The following SLC22A23 variants were observed in gnomAD, a reference collection of about 807,000 sequenced individuals.
The protein encoded by SLC22A23 is solute carrier family 22 member 23, also known as ion transporter protein.
Under a neutral mutation model 61.0 loss-of-function variants are expected in SLC22A23, and 26 were observed. The observed-to-expected ratio is 0.43, with a 90% CI of 0.31 to 0.59. The LOEUF (loss-of-function observed/expected upper bound fraction) is 0.59. SLC22A23 is among the 20% of genes least tolerant of loss of function. The probability of loss-of-function intolerance (pLI) is 0.11; values close to 1 mark genes in which losing one functional copy is unlikely to be tolerated. For missense variants in SLC22A23, 796 were observed against 934.7 expected, an observed-to-expected ratio of 0.85 and a Z score of 1.94; for synonymous variants, 430 against 413.9, an observed-to-expected ratio of 1.04 and a Z score of -0.47.
intron 9 of SLC22A23, among the ~76,000 whole-genome samples, chr6:3,277,177 A>G (rs1489481455): frequency 6.6e-6 from 1 of 152,126 alleles, no homozygotes; most frequent in African/African-American, 2.4e-5. Context: ...GGAGAGGTTC[A>G]AGAACTGGGA....
chr6:3,325,880 A>C (rs955188764), intron 3 of SLC22A23, among the ~76,000 whole-genome samples: 4 of 152,258 alleles, frequency 2.6e-5, no homozygotes, highest in Non-Finnish European at 5.9e-5. Flanking sequence ...CAAAGAGATA[A>C]TGTGGAAACA....
intron 4 of SLC22A23, among the ~76,000 whole-genome samples, chr6:3,306,511 C>T (rs1459064963): frequency 2.0e-5 from 3 of 152,302 alleles, no homozygotes; most frequent in Non-Finnish European, 2.9e-5. Flanking sequence ...AGGCAAAGAA[C>T]GTTCAAATAC....
At chr6:3,429,233 G>A (rs559153854) in intron 1 of SLC22A23, among the ~76,000 whole-genome samples, 1 of 152,324 alleles carries the variant, frequency 6.6e-6, no homozygotes, top group South Asian at 2.1e-4. Flanking sequence ...ATGTTCACAA[G>A]AACCAGAGGA....
At chr6:3,288,186 G>A (rs917321695) in intron 6 of SLC22A23, among the ~76,000 whole-genome samples, 7 of 152,182 alleles carry the variant, frequency 4.6e-5, no homozygotes, top group Non-Finnish European at 8.8e-5. Flanking sequence ...CCTTTGGGGT[G>A]TACCTGTGAT....
At chr6:3,392,480 C>A (rs1265608826) in intron 3 of SLC22A23, among the ~76,000 whole-genome samples, 1 of 152,176 alleles carries the variant, frequency 6.6e-6, no homozygotes, top group Non-Finnish European at 1.5e-5. Context: ...ATGAATATCA[C>A]CCTAGTTGTA....
intron 1 of SLC22A23, among the ~76,000 whole-genome samples, chr6:3,431,204 G>C (rs1387435545): frequency 2.0e-5 from 3 of 152,218 alleles, no homozygotes; most frequent in Admixed American, 1.3e-4. Flanking sequence ...GATGGGCGTG[G>C]GGGCAGGTCC....
In SLC22A23 at chr6:3,439,192, C is replaced by T. The variant is rs1019959907; in HGVS notation, c.654+16714G>A. ...GTTTAGCAGTACCCCTGCCTCTACC[C>T]ACCAGGCGCCAGTAGCACCCTCCCC... On this transcript the variant is annotated intron_variant, in intron 1 of 9. Transcript: ENST00000406686. 23 of 359,200 alleles carry T rather than the reference C, an allele frequency of 6.4e-5. 1 individual carries two copies. The highest frequency in any genetic ancestry group is 1.3e-4 in the Non-Finnish European group (23 of 183,058). 22.3% of individuals were successfully genotyped at this position (359,200 alleles called of 1,614,324 possible).
chr6:3,289,970 GGA>G (rs778248728), intron 5 of SLC22A23, 104 bp from the exon 6 acceptor site: 9 of 775,346 alleles, frequency 1.2e-5, no homozygotes, highest in African/African-American at 1.8e-5. Flanking sequence ...ACCACAGAAG[GGA>G]GAGAGAAGCT....
intron 1 of SLC22A23, among the ~76,000 whole-genome samples, chr6:3,429,307 A>G (rs903907491): frequency 6.6e-6 from 1 of 152,248 alleles, no homozygotes; most frequent in Admixed American, 6.5e-5. Context: ...TCAAGAGTTT[A>G]TAACTGCTAA....
At position 3,446,062 on chromosome 6, in the gene SLC22A23, G is replaced by A. The variant is rs546865579; in HGVS notation, c.654+9844C>T. Among the ~76,000 whole-genome samples the A allele has an allele frequency of 2.0e-5, 3 of 152,292 alleles. No homozygotes were observed. The South Asian group carries it at 6.2e-4, about 32-fold the overall frequency. On this transcript the variant is annotated intron_variant, in intron 1 of 9. Coordinates refer to ENST00000406686, the MANE Select transcript of SLC22A23 (RefSeq NM_015482.2). ...AAATCTGCCCAGAGAGGTGTTCTGCGGAAGTCCACCCATGCAAAGCCACAG... is the reference window on the plus strand; with the variant it reads ...AAATCTGCCCAGAGAGGTGTTCTGCAGAAGTCCACCCATGCAAAGCCACAG...
At position 3,295,710 on chromosome 6, in the gene SLC22A23, A is replaced by G. The variant is rs577468014; in HGVS notation, c.1210+2381T>C. 2.0e-5 allele frequency among the ~76,000 whole-genome samples: 3 copies of G among 152,276 alleles called. No homozygotes were observed. The East Asian group carries it at 5.8e-4, about 29-fold the overall frequency. On this transcript the variant is annotated intron_variant, in intron 5 of 9. Coordinates refer to ENST00000406686, the MANE Select transcript of SLC22A23 (RefSeq NM_015482.2). ...CTGGAAGTGGGAGATGTAGCAACTG[A>G]AAGACACGCTGCCTTCCCCCACACT...
In SLC22A23 at chr6:3,427,324, G is replaced by C. The variant is rs1770567092; in HGVS notation, c.655-11469C>G. 6.6e-6 allele frequency among the ~76,000 whole-genome samples: 1 copy of C among 152,144 alleles called. No homozygotes were observed. The highest frequency in any genetic ancestry group is 6.5e-5 in the Admixed American group (1 of 15,270). ...GGTCCTCGGGGGCTTATGTCTGTTG[G>C]TAAGTAACATTTTGGATCTGAGAGT... On this transcript the variant is annotated intron_variant, in intron 1 of 9. Transcript: ENST00000406686. This position sits in a 1 kb window ranked among gnomAD's most constrained non-coding sequence, Gnocchi z 4.3.
chr6:3,282,073 C>T lies in SLC22A23; in HGVS notation c.1703+1779G>A, dbSNP rs543090170. On this transcript the variant is annotated intron_variant, in intron 9 of 9. Transcript: ENST00000406686. ...CCAACTGCCAGAGTTAAGGGGTACC[C>T]GCTAGCCACCCCCTCCCCCAACAAA... 1.6e-4 allele frequency among the ~76,000 whole-genome samples: 25 copies of T among 152,276 alleles called. No individual in the cohort carries two copies. The South Asian group carries it at 4.8e-3, about 29-fold the overall frequency.
chr6:3,439,576 A>C (rs1257285934), intron 1 of SLC22A23, among the ~76,000 whole-genome samples: 3 of 152,216 alleles, frequency 2.0e-5, no homozygotes, highest in Admixed American at 2.0e-4. Context: ...AATCTTCAAT[A>C]GCTCACTGAA....
rs116588394 is a variant in SLC22A23, at chr6:3,443,099, C to T, written c.654+12807G>A. Among the ~76,000 whole-genome samples the T allele has an allele frequency of 3.2e-3, 491 of 152,180 alleles. 4 individuals carry two copies. The highest frequency in any genetic ancestry group is 0.011 in the African/African-American group (477 of 41,502). On this transcript the variant is annotated intron_variant, in intron 1 of 9. Coordinates refer to ENST00000406686, the MANE Select transcript of SLC22A23 (RefSeq NM_015482.2). Reference sequence around the variant, plus strand: ...CTCAAAAAGTGTGTTTTGCTTTTTACCAAAAGAAATCTAGAAAAAGACATG... The same window carrying T: ...CTCAAAAAGTGTGTTTTGCTTTTTATCAAAAGAAATCTAGAAAAAGACATG...
intron 3 of SLC22A23, among the ~76,000 whole-genome samples, chr6:3,397,157 C>G (rs1012473082): frequency 6.6e-6 from 1 of 152,198 alleles, no homozygotes; most frequent in African/African-American, 2.4e-5. Flanking sequence ...CATCCCACAC[C>G]CTGCAAGGGG....
At chr6:3,321,144 C>G (rs138550103) in intron 4 of SLC22A23, among the ~76,000 whole-genome samples, 6 of 152,286 alleles carry the variant, frequency 3.9e-5, no homozygotes, top group Non-Finnish European at 7.3e-5. Context: ...TTCAGACTGC[C>G]CCTCCATGCA....
intron 3 of SLC22A23, among the ~76,000 whole-genome samples, chr6:3,354,906 G>A (rs918715644): frequency 5.3e-5 from 8 of 152,094 alleles, no homozygotes; most frequent in African/African-American, 7.2e-5. Flanking sequence ...TAGACAACAC[G>A]CAGAACAGAC....
chr6:3,447,403 T>C (rs893666451), intron 1 of SLC22A23, among the ~76,000 whole-genome samples: 2 of 152,152 alleles, frequency 1.3e-5, no homozygotes, highest in African/African-American at 4.8e-5. Flanking sequence ...CTTAACTCAC[T>C]TTGTAATGAA....
Sources: allele counts gnomAD v4.1 joint callset (sites outside exome capture counted in the v4.1 genomes callset), GRCh38; gene constraint gnomAD v4.1.1; non-coding constraint Gnocchi (gnomAD v3.1); transcripts MANE v1.5; gene names NCBI Gene and HGNC (gene_info 2026-07-23, HGNC 2026-07-21).